The following DLGAP2 variants were observed in gnomAD, a reference collection of about 807,000 sequenced individuals.
DLGAP2 encodes the protein DLG associated protein 2, also known as disks large-associated protein 2.
In DLGAP2, 26 loss-of-function variants were observed where a neutral mutation model predicts 100.3. That is an observed-to-expected ratio of 0.26 (90% CI 0.19 to 0.36). DLGAP2 has a LOEUF of 0.36. DLGAP2 is among the 10% of genes least tolerant of loss of function. The pLI, the probability that DLGAP2 is intolerant of heterozygous loss-of-function variation, is 1.00. For missense variants in DLGAP2, 1,858 were observed against 1,453.2 expected (o/e 1.28, Z -4.53); for synonymous variants, 886 against 630.1 (o/e 1.41, Z -6.08).
intron 2 of DLGAP2, among the ~76,000 whole-genome samples, chr8:1,145,666 G>C (rs1342441472): frequency 6.6e-6 from 1 of 151,574 alleles, no homozygotes; most frequent in Non-Finnish European, 1.5e-5. Context: ...ACAATGTGCA[G>C]GTTAGTTACA....
intron 3 of DLGAP2, among the ~76,000 whole-genome samples, chr8:1,263,089 T>C (rs1040076765): frequency 3.3e-5 from 5 of 152,332 alleles, no homozygotes; most frequent in Admixed American, 3.3e-4. Context: ...CAGCTATTAA[T>C]ATTATTATAT....
At chr8:764,375 C>T (rs1245892644) in intron 1 of DLGAP2, among the ~76,000 whole-genome samples, 1 of 152,190 alleles carries the variant, frequency 6.6e-6, no homozygotes, top group Non-Finnish European at 1.5e-5. Context: ...TGAACTACTC[C>T]ATCCATCCGA....
chr8:1,701,335 C>A lies in DLGAP2; in HGVS notation c.3097C>A (p.Arg1033=). 2 of 1,593,118 alleles carry A rather than the reference C, an allele frequency of 1.3e-6. No homozygotes were observed. Among genetic ancestry groups the A allele is most frequent in the Non-Finnish European group, 1.7e-6 (2 of 1,170,530 alleles). Residue 1033 remains arginine (R), a synonymous_variant, in exon 15 of 15, where the codon CGG becomes AGG. Coordinates refer to ENST00000637795, the MANE Select transcript of DLGAP2 (RefSeq NM_001346810.2). ...LMAAKRAASF[R]QNSASERADS... The stretch of plus-strand genomic sequence containing the variant: ...GGCCGCCAAGCGAGCGGCGTCCTTC[C>A]GGCAGAATTCCGCCTCCGAGCGCGC...
intron 2 of DLGAP2, among the ~76,000 whole-genome samples, chr8:1,220,255 A>G (rs1418945047): frequency 6.6e-6 from 1 of 152,114 alleles, no homozygotes; most frequent in African/African-American, 2.4e-5. Context: ...AGTGCTAGAA[A>G]CTTTCCTCTT....
chr8:1,246,900 A>ACGTCGGGG, intron 2 of DLGAP2: 1 of 103,024 alleles, frequency 9.7e-6, no homozygotes, highest in South Asian at 3.4e-4. Context: ...GTTGGTGTCC[A>ACGTCGGGG]GCAAGACCTT....
At chr8:1,295,583 C>T (rs1416145730) in intron 3 of DLGAP2, among the ~76,000 whole-genome samples, 3 of 152,236 alleles carry the variant, frequency 2.0e-5, no homozygotes, top group African/African-American at 7.2e-5. Context: ...GGAAACAGCT[C>T]TCCACAAAGG....
At chr8:1,069,265 C>A (rs894242718) in intron 2 of DLGAP2, among the ~76,000 whole-genome samples, 1 of 152,100 alleles carries the variant, frequency 6.6e-6, no homozygotes, top group Non-Finnish European at 1.5e-5. Context: ...GTGGTGGGGG[C>A]TGCCAGCTGG....
intron 3 of DLGAP2, among the ~76,000 whole-genome samples, chr8:1,436,816 T>C (rs1319458391): frequency 6.6e-6 from 1 of 152,152 alleles, no homozygotes; most frequent in Non-Finnish European, 1.5e-5. Flanking sequence ...ATGGTGAGTG[T>C]CCTCTGCAGA....
intron 4 of DLGAP2, among the ~76,000 whole-genome samples, chr8:1,530,184 T>G (rs1412757901): frequency 3.3e-5 from 5 of 152,018 alleles, no homozygotes; most frequent in Non-Finnish European, 7.4e-5. Context: ...GAGACTGGGG[T>G]CTATTTCACC....
chr8:1,052,218 C>G (rs1282478838), intron 2 of DLGAP2, among the ~76,000 whole-genome samples: 1 of 152,194 alleles, frequency 6.6e-6, no homozygotes, highest in Non-Finnish European at 1.5e-5. Flanking sequence ...CCCCCATTCT[C>G]ATGCATGTAG....
chr8:1,414,932 C>G (rs1299492844), intron 3 of DLGAP2, among the ~76,000 whole-genome samples: 1 of 152,064 alleles, frequency 6.6e-6, no homozygotes, highest in Non-Finnish European at 1.5e-5. Context: ...TCACTTGAAC[C>G]TGGGAGGTGG....
intron 2 of DLGAP2, among the ~76,000 whole-genome samples, chr8:1,216,587 C>T (rs1479245459): frequency 2.6e-5 from 4 of 152,078 alleles, no homozygotes; most frequent in Non-Finnish European, 4.4e-5. Context: ...CCTCCCACCT[C>T]AGCCCCTCAA....
At chr8:1,699,481 G>A (rs1799508452) in intron 14 of DLGAP2, among the ~76,000 whole-genome samples, 1 of 152,028 alleles carries the variant, frequency 6.6e-6, no homozygotes. Flanking sequence ...AGGCGTGGTG[G>A]TGGGCGCCTG....
intron 3 of DLGAP2, among the ~76,000 whole-genome samples, chr8:1,361,195 A>C (rs1801974937): frequency 6.6e-6 from 1 of 152,116 alleles, no homozygotes; most frequent in Non-Finnish European, 1.5e-5. Flanking sequence ...CGAACCACCA[A>C]CTGCAAATGT....
intron 2 of DLGAP2, among the ~76,000 whole-genome samples, chr8:1,056,960 A>G (rs538397505): frequency 1.5e-4 from 23 of 152,288 alleles, no homozygotes; most frequent in African/African-American, 5.3e-4. Flanking sequence ...CTAACGATAA[A>G]TCACCTCGAA....
At chr8:1,499,852 CTTA>C (rs1799656687) in intron 3 of DLGAP2, among the ~76,000 whole-genome samples, 1 of 152,190 alleles carries the variant, frequency 6.6e-6, no homozygotes, top group Non-Finnish European at 1.5e-5. Flanking sequence ...CCTCTACGAA[CTTA>C]TTGAAAATGG....
intron 2 of DLGAP2, among the ~76,000 whole-genome samples, chr8:1,166,634 G>A (rs546176912): frequency 6.6e-6 from 1 of 152,210 alleles, no homozygotes; most frequent in African/African-American, 2.4e-5. Flanking sequence ...GGAGTCTCCT[G>A]TCAATGCCGC....
At chr8:878,871 C>T (rs975373262) in intron 1 of DLGAP2, among the ~76,000 whole-genome samples, 1 of 152,158 alleles carries the variant, frequency 6.6e-6, no homozygotes, top group Non-Finnish European at 1.5e-5. Flanking sequence ...TTGGACTTCG[C>T]AGACACTAGA....
chr8:1,342,598 G>C (rs191969062), intron 3 of DLGAP2, among the ~76,000 whole-genome samples: 6 of 152,312 alleles, frequency 3.9e-5, no homozygotes, highest in East Asian at 1.9e-4. Context: ...AGTGCCAAAG[G>C]CTGGCTGTGC....
Sources: allele counts gnomAD v4.1 joint callset (sites outside exome capture counted in the v4.1 genomes callset), GRCh38; gene constraint gnomAD v4.1.1; transcripts MANE v1.5; gene names NCBI Gene and HGNC (gene_info 2026-07-23, HGNC 2026-07-21).